The following CX3CR1 variants were observed in gnomAD, a reference collection of about 807,000 sequenced individuals.
CX3CR1 encodes CX3C chemokine receptor 1.
For synonymous variants in CX3CR1, 168 were observed against 178.5 expected (o/e 0.94, Z 0.47); for missense variants, 363 against 432.4 (o/e 0.84, Z 1.42).
chr3:39,279,153 C>T (rs75098903), intron 1 of CX3CR1, among the ~76,000 whole-genome samples: 2,871 of 151,454 alleles, frequency 0.019, 71 homozygotes, highest in East Asian at 0.13. Context: ...AGCAAAACTC[C>T]GTCTCAAAAA....
chr3:39,265,746 G>A lies in CX3CR1; in HGVS notation c.764C>T (p.Thr255Met), dbSNP rs375338951. The A allele has an allele frequency of 4.2e-5, 68 of 1,614,154 alleles. 1 individual carries two copies. The highest frequency in any genetic ancestry group is 3.4e-4 in the South Asian group (31 of 91,078). The part of the protein sequence containing the change: ...TPYNVMIFLE[T>M]LKLYDFFPSC... ...GGGAAAGAAGTCATAGAGCTTAAGC[G>A]TCTCCAGGAAAATCATAACGTTGTA... Residue 255 changes from threonine to methionine, a missense_variant, in exon 2 of 2, where the codon ACG becomes ATG. By Grantham distance (81) the Thr-to-Met change is moderately conservative. Transcript: ENST00000399220.
rs560571059 is a variant in CX3CR1 at position 39,263,659 on chromosome 3, G to C, written c.*1783C>G. 6.6e-6 allele frequency: 1 copy of C among 152,282 alleles called. No homozygotes were observed. Among genetic ancestry groups the C allele is most frequent in the African/African-American group, 2.4e-5 (1 of 41,548 alleles). The allele number at this position is 152,282 out of a possible 1,614,324, so 9.4% of individuals were successfully genotyped here. On this transcript the variant is annotated 3_prime_UTR_variant, in exon 2 of 2. Coordinates refer to ENST00000399220, the MANE Select transcript of CX3CR1 (RefSeq NM_001337.4). ...CTGCCAAAGAGCTATCAGATACACA[G>C]CAATTTAACAGTTACCACATCTGAC...
chr3:39,277,685 T>C (rs1419319467), intron 1 of CX3CR1, among the ~76,000 whole-genome samples: 2 of 152,136 alleles, frequency 1.3e-5, no homozygotes, highest in South Asian at 2.1e-4. Context: ...CACTGTGCCA[T>C]AGCTGCCTAG....
upstream of CX3CR1, chr3:39,281,310 G>GA: frequency 9.7e-7 from 1 of 1,031,020 alleles, no homozygotes; most frequent in Non-Finnish European, 1.2e-6. Context: ...TCTGACACTG[G>GA]CCCCTCCCCA....
chr3:39,275,975 G>C (rs1262748115), intron 1 of CX3CR1, among the ~76,000 whole-genome samples: 6 of 151,614 alleles, frequency 4.0e-5, no homozygotes, highest in Non-Finnish European at 7.4e-5. Context: ...GATGGGGAAA[G>C]TCTTCCAGGT....
At chr3:39,290,784 G>T in the CX3CR1 span, among the ~76,000 whole-genome samples, 1 of 152,034 alleles carries the variant, frequency 6.6e-6, no homozygotes, top group Non-Finnish European at 1.5e-5. Context: ...TGCCAGGCAT[G>T]GTGGTGGGCG....
At chr3:39,277,102 T>C (rs531087925) in intron 1 of CX3CR1, among the ~76,000 whole-genome samples, 75 of 152,302 alleles carry the variant, frequency 4.9e-4, no homozygotes, top group African/African-American at 1.8e-3. Flanking sequence ...AAGCACACTT[T>C]AAGGGGAAAA....
At position 39,263,962 on chromosome 3, in the gene CX3CR1, G is replaced by T. The variant is rs1480238207; in HGVS notation, c.*1480C>A. 6.6e-6 allele frequency: 1 copy of T among 152,212 alleles called. No individual in the cohort carries two copies. The highest frequency in any genetic ancestry group is 2.1e-4 in the South Asian group (1 of 4,822). The allele number at this position is 152,212 out of a possible 1,614,324, so 9.4% of individuals were successfully genotyped here. A position where few individuals can be genotyped will look rare whatever the true frequency, so the allele number is the denominator to read the frequency against. Reference sequence around the variant, plus strand: ...TTTAAACTTTTAGATTGTTCCAAACGTTTCTAGGGGGGAAAAAAAAGCTGC... The same window carrying T: ...TTTAAACTTTTAGATTGTTCCAAACTTTTCTAGGGGGGAAAAAAAAGCTGC... On this transcript the variant is annotated 3_prime_UTR_variant, in exon 2 of 2. Transcript: ENST00000399220.
At chr3:39,288,935 C>T in the CX3CR1 span, among the ~76,000 whole-genome samples, 1 of 152,106 alleles carries the variant, frequency 6.6e-6, no homozygotes, top group African/African-American at 2.4e-5. Flanking sequence ...GAGGTCGAGG[C>T]GGGCGGATCA....
chr3:39,275,671 T>A (rs1402293960), intron 1 of CX3CR1, among the ~76,000 whole-genome samples: 1 of 152,236 alleles, frequency 6.6e-6, no homozygotes, highest in Admixed American at 6.5e-5. Flanking sequence ...TATTCCATAA[T>A]AAAACTGTTC....
intron 1 of CX3CR1, among the ~76,000 whole-genome samples, chr3:39,271,125 C>T (rs561642311): frequency 3.3e-5 from 5 of 152,352 alleles, no homozygotes; most frequent in African/African-American, 9.6e-5. Context: ...AGAAGACCCA[C>T]GTCCTCTTCA....
At chr3:39,269,787 C>A (rs961197676) in intron 1 of CX3CR1, among the ~76,000 whole-genome samples, 2 of 152,194 alleles carry the variant, frequency 1.3e-5, no homozygotes, top group African/African-American at 4.8e-5. Context: ...ACAGGAGTCT[C>A]TCAGTGCTGG....
upstream of CX3CR1, chr3:39,281,330 ACC>A: frequency 1.4e-6 from 1 of 732,496 alleles, no homozygotes; most frequent in Non-Finnish European, 1.6e-6. Context: ...ACCCCACACC[ACC>A]CCTTGATACC....
chr3:39,275,152 G>A (rs1003262396), intron 1 of CX3CR1, among the ~76,000 whole-genome samples: 1 of 152,070 alleles, frequency 6.6e-6, no homozygotes, highest in South Asian at 2.1e-4. Context: ...GTGAGCCACC[G>A]TGCCCACCTA....
the CX3CR1 span, among the ~76,000 whole-genome samples, chr3:39,289,151 T>TAA: frequency 7.0e-6 from 1 of 141,874 alleles, no homozygotes; most frequent in African/African-American, 2.6e-5. Context: ...AGACTCCATC[T>TAA]AAAAAAAAAA....
chr3:39,265,809 A>G lies in CX3CR1; in HGVS notation c.701T>C (p.Leu234Pro). ...HKKAKAIKLI[L>P]LVVIVFFLFW... ...GAGGAAAAACACGATGACCACCAGA[A>G]GGATCAGTTTAATGGCTTTGGCTTT... The change falls in exon 2 of 2, where the codon CTT becomes CCT. Residue 234 changes from leucine to proline, a missense_variant. Coordinates refer to ENST00000399220, the MANE Select transcript of CX3CR1 (RefSeq NM_001337.4). 6.2e-7 allele frequency: 1 copy of G among 1,614,184 alleles called. No homozygotes were observed. The highest frequency in any genetic ancestry group is 8.5e-7 in the Non-Finnish European group (1 of 1,179,994).
rs767984403 is a variant in CX3CR1 at position 39,266,461 on chromosome 3, A to C, written c.49T>G (p.Leu17Val). The part of the protein sequence containing the change: ...SVTENFEYDD[L>V]AEACYIGDIV... ...TCCCCAATATAACAGGCCTCAGCCA[A>C]ATCATCGTACTCAAAGTTTTCTGTC... The change falls in exon 2 of 2, where the codon TTG becomes GTG. Residue 17 changes from leucine to valine, a missense_variant. Transcript: ENST00000399220. 6.2e-7 allele frequency: 1 copy of C among 1,614,088 alleles called. No homozygotes were observed. Among genetic ancestry groups the C allele is most frequent in the African/African-American group, 1.3e-5 (1 of 74,942 alleles).
chr3:39,270,527 CT>C (rs1191644609), intron 1 of CX3CR1, among the ~76,000 whole-genome samples: 33 of 152,322 alleles, frequency 2.2e-4, no homozygotes, highest in African/African-American at 7.7e-4. Context: ...TCTGTATATT[CT>C]GTCATGCAAC....
upstream of CX3CR1, among the ~76,000 whole-genome samples, chr3:39,284,403 C>T (rs2040930676): frequency 6.6e-6 from 1 of 152,200 alleles, no homozygotes; most frequent in South Asian, 2.1e-4. Flanking sequence ...CTCAAGTGAT[C>T]TGCCCACCTT....
Sources: allele counts gnomAD v4.1 joint callset (sites outside exome capture counted in the v4.1 genomes callset), GRCh38; gene constraint gnomAD v4.1.1; transcripts MANE v1.5; gene names NCBI Gene and HGNC (gene_info 2026-07-23, HGNC 2026-07-21).